NBAS: variants seen among roughly 807,000 people sequenced by gnomAD.
NBAS encodes NAG/BC035112 fusion.
A neutral mutation model predicts 302.5 loss-of-function variants in NBAS; 219 were observed. The ratio of observed to expected loss-of-function variants is 0.72; its 90% confidence interval spans 0.65 to 0.81. NBAS has a LOEUF of 0.81. Among genes scored for constraint, NBAS ranks in the 30% least tolerant of loss-of-function variants. The pLI, the probability that NBAS is intolerant of heterozygous loss-of-function variation, is 0.00. For synonymous variants in NBAS, 1,118 were observed against 1,021.6 expected (o/e 1.09, Z -1.80); for missense variants, 2,932 against 2,841.6 (o/e 1.03, Z -0.72).
chr2:15,234,093 C>T (rs964508244), intron 46 of NBAS, among the ~76,000 whole-genome samples: 1 of 152,182 alleles, frequency 6.6e-6, no homozygotes, highest in Non-Finnish European at 1.5e-5. Flanking sequence ...TCTAAAGACA[C>T]TTTACAGATG....
At chr2:15,099,791 G>A in the NBAS span, among the ~76,000 whole-genome samples, 1 of 151,688 alleles carries the variant, frequency 6.6e-6, no homozygotes, top group African/African-American at 2.4e-5. Flanking sequence ...CCAGCATAAG[G>A]GATTTTTAAT....
chr2:15,442,759 G>A (rs1253420391), intron 21 of NBAS, among the ~76,000 whole-genome samples: 1 of 151,518 alleles, frequency 6.6e-6, no homozygotes, highest in African/African-American at 2.4e-5. Flanking sequence ...CCACTAGCAA[G>A]ACTAATAAAG....
the NBAS span, among the ~76,000 whole-genome samples, chr2:15,029,741 G>A: frequency 1.3e-5 from 2 of 152,234 alleles, no homozygotes; most frequent in Admixed American, 1.3e-4. Context: ...CAAAGTCACA[G>A]AGCTAAGGAC....
At chr2:14,942,066 A>C in the NBAS span, among the ~76,000 whole-genome samples, 4 of 152,160 alleles carry the variant, frequency 2.6e-5, no homozygotes, top group Non-Finnish European at 5.9e-5. Flanking sequence ...TTCTCTTCCA[A>C]ACCCCTTATT....
At chr2:14,880,545 T>C in the NBAS span, among the ~76,000 whole-genome samples, 2 of 151,804 alleles carry the variant, frequency 1.3e-5, no homozygotes, top group African/African-American at 2.4e-5. Context: ...CAAAATCATA[T>C]TAGAAATTAA....
At chr2:15,009,641 T>C in the NBAS span, among the ~76,000 whole-genome samples, 8,574 of 144,220 alleles carry the variant, frequency 0.059, 467 homozygotes, top group East Asian at 0.24. Flanking sequence ...CACACACATA[T>C]ACACATATAT....
At chr2:15,030,076 C>G in the NBAS span, among the ~76,000 whole-genome samples, 1 of 152,188 alleles carries the variant, frequency 6.6e-6, no homozygotes, top group East Asian at 1.9e-4. Flanking sequence ...CCACAGCTCA[C>G]CAGGGAGGAA....
chr2:14,803,188 G>A, the NBAS span, among the ~76,000 whole-genome samples: 3 of 152,178 alleles, frequency 2.0e-5, no homozygotes, highest in South Asian at 6.2e-4. Context: ...AATGCTCCAT[G>A]AAATCTGGGG....
chr2:15,447,041 C>G (rs1678785954), intron 21 of NBAS, among the ~76,000 whole-genome samples: 1 of 151,658 alleles, frequency 6.6e-6, no homozygotes, highest in South Asian at 2.1e-4. Flanking sequence ...AAACAAATAC[C>G]AAAAACGGGA....
the NBAS span, among the ~76,000 whole-genome samples, chr2:15,019,524 G>C: frequency 6.6e-6 from 1 of 152,166 alleles, no homozygotes; most frequent in Non-Finnish European, 1.5e-5. Flanking sequence ...ATGGAAGTCA[G>C]GAGGAATTTA....
intron 48 of NBAS, among the ~76,000 whole-genome samples, chr2:15,205,757 T>C (rs1031774256): frequency 2.0e-5 from 3 of 152,122 alleles, no homozygotes; most frequent in African/African-American, 7.2e-5. Context: ...ATCTGGTTGT[T>C]TGATAAGTGT....
At chr2:15,408,742 A>G (rs1676541804) in intron 25 of NBAS, among the ~76,000 whole-genome samples, 1 of 152,252 alleles carries the variant, frequency 6.6e-6, no homozygotes, top group Admixed American at 6.5e-5. Context: ...GTAAATAAGA[A>G]ACATATAATG....
the NBAS span, among the ~76,000 whole-genome samples, chr2:15,137,853 G>A: frequency 6.6e-6 from 1 of 152,176 alleles, no homozygotes; most frequent in Admixed American, 6.5e-5. Flanking sequence ...ATAGCTCACT[G>A]CAGCCTCAAA....
intron 40 of NBAS, among the ~76,000 whole-genome samples, chr2:15,303,649 T>C (rs182740241): frequency 6.6e-6 from 1 of 152,264 alleles, no homozygotes; most frequent in Admixed American, 6.5e-5. Flanking sequence ...GTAATGGTTT[T>C]CTCCTGACTT....
chr2:15,548,758 C>T (rs925643523), intron 6 of NBAS, among the ~76,000 whole-genome samples: 14 of 151,460 alleles, frequency 9.2e-5, no homozygotes, highest in Non-Finnish European at 2.9e-5. Flanking sequence ...TGGGAGCGAA[C>T]ACAGGGAGGA....
chr2:15,417,694 G>A lies in NBAS; in HGVS notation c.2596C>T (p.Leu866Phe). Residue 866 changes from leucine to phenylalanine, a missense_variant, in exon 24 of 52, where the codon CTT becomes TTT. Transcript: ENST00000281513. ...TTCCGCTCCATCCCAAGTCGAATAA[G>A]TGACAATGCACAGTCCACCTAAAAT... The part of the protein sequence containing the change: ...YARQVDCALS[L>F]IRLGMERNIP... The A allele has an allele frequency of 1.2e-6, 2 of 1,613,950 alleles. No individual in the cohort carries two copies. Among genetic ancestry groups the A allele is most frequent in the Non-Finnish European group, 1.7e-6 (2 of 1,179,938 alleles).
At chr2:15,026,015 T>G in the NBAS span, among the ~76,000 whole-genome samples, 1 of 152,292 alleles carries the variant, frequency 6.6e-6, no homozygotes, top group African/African-American at 2.4e-5. Context: ...ATAGGAGTGT[T>G]GAGAGTAGAC....
At chr2:15,442,421 G>C (rs1212783001) in intron 21 of NBAS, among the ~76,000 whole-genome samples, 1 of 151,478 alleles carries the variant, frequency 6.6e-6, no homozygotes, top group African/African-American at 2.4e-5. Flanking sequence ...ATAACAAAAT[G>C]AAGGCAGAAA....
chr2:15,208,282 C>G (rs1558438235), intron 48 of NBAS, among the ~76,000 whole-genome samples: 1 of 152,206 alleles, frequency 6.6e-6, no homozygotes, highest in Non-Finnish European at 1.5e-5. Context: ...AACACCAGAT[C>G]TTATGAGATT....
Sources: allele counts gnomAD v4.1 joint callset (sites outside exome capture counted in the v4.1 genomes callset), GRCh38; gene constraint gnomAD v4.1.1; transcripts MANE v1.5; gene names NCBI Gene and HGNC (gene_info 2026-07-23, HGNC 2026-07-21).